Variants in RBM33 observed in about 807,000 individuals in gnomAD.
The protein encoded by RBM33 is RNA binding motif protein 33, also known as RNA-binding protein 33.
A neutral mutation model predicts 132.6 loss-of-function variants in RBM33; 28 were observed. The observed-to-expected ratio is 0.21, with a 90% CI of 0.16 to 0.29. The LOEUF is 0.29. Ranked by LOEUF, RBM33 falls within the 10% of genes least tolerant of loss-of-function variation. RBM33 has a pLI of 1.00. For missense variants in RBM33, 1,291 were observed against 1,518.5 expected (o/e 0.85, Z 2.49); for synonymous variants, 634 against 593.0 (o/e 1.07, Z -1.01).
intron 3 of RBM33, among the ~76,000 whole-genome samples, chr7:155,677,692 A>C (rs1166607637): frequency 1.3e-5 from 2 of 152,218 alleles, no homozygotes; most frequent in Non-Finnish European, 2.9e-5. Context: ...TGGCTATCAG[A>C]AATACTGTAA....
chr7:155,693,634 G>T (rs1011257721), intron 5 of RBM33, among the ~76,000 whole-genome samples: 8 of 151,540 alleles, frequency 5.3e-5, no homozygotes, highest in African/African-American at 1.9e-4. Flanking sequence ...ATGATGGCAG[G>T]TTCTTTGTGA....
intron 9 of RBM33, among the ~76,000 whole-genome samples, chr7:155,728,883 G>A (rs916595141): frequency 3.9e-5 from 6 of 152,168 alleles, no homozygotes; most frequent in Non-Finnish European, 5.9e-5. Context: ...CTAAGTGAAG[G>A]TTATTTAAAT....
Position 155,774,437 on chromosome 7 carries a change from G to A in RBM33, c.3376-122G>A. 1.5e-6 allele frequency: 1 copy of A among 670,554 alleles called. No homozygotes were observed. Among genetic ancestry groups the A allele is most frequent in the Non-Finnish European group, 2.5e-6 (1 of 392,872 alleles). 41.5% of individuals were successfully genotyped at this position (670,554 alleles called of 1,614,324 possible). A position where few individuals can be genotyped will look rare whatever the true frequency, so the allele number is the denominator to read the frequency against. ...GGGAGCTAGAAAGGAAAATCAATTA[G>A]TGTGTTCCAAATGTCCGCCTGGACT... On this transcript the variant is annotated intron_variant, in intron 16 of 17. Transcript: ENST00000401878. This position sits in a 1 kb window ranked among gnomAD's most constrained non-coding sequence, Gnocchi z 4.2.
At chr7:155,731,995 C>T (rs1231000422) in intron 9 of RBM33, among the ~76,000 whole-genome samples, 1 of 152,198 alleles carries the variant, frequency 6.6e-6, no homozygotes, top group Non-Finnish European at 1.5e-5. Context: ...AGAGAACTGG[C>T]ACTTCCCTGG....
chr7:155,736,623 T>C (rs866138841), intron 9 of RBM33, among the ~76,000 whole-genome samples: 12 of 152,382 alleles, frequency 7.9e-5, no homozygotes, highest in South Asian at 6.2e-4. Context: ...TCCAGAGGAC[T>C]CTGTGTACTA....
At chr7:155,673,940 G>GTTGTTGTTTGTTTTTTTTT in intron 3 of RBM33, among the ~76,000 whole-genome samples, 1,489 of 54,206 alleles carry the variant, frequency 0.027, 501 homozygotes, top group South Asian at 0.039. Flanking sequence ...TTTAGGCTTA[G>GTTGTTGTTTGTTTTTTTTT]TTTTTTTTTT....
chr7:155,710,438 ACGGCAGCTGTTG>A lies in RBM33; in HGVS notation c.949-763_949-752del, dbSNP rs544789442. Reference sequence around the variant, plus strand: ...TTAAAATGTGGGGAAGATTTAGTCCACGGCAGCTGTTGCAGTTGTTGATTTCTTCCTCTCTAG... The same window carrying A: ...TTAAAATGTGGGGAAGATTTAGTCCACAGTTGTTGATTTCTTCCTCTCTAG... On this transcript the variant is annotated intron_variant, in intron 7 of 17. Transcript: ENST00000401878. Among the ~76,000 whole-genome samples, 865 of 152,328 alleles carry A rather than the reference ACGGCAGCTGTTG, an allele frequency of 5.7e-3. 4 individuals carry two copies. Among genetic ancestry groups the A allele is most frequent in the African/African-American group, 0.02 (817 of 41,566 alleles).
chr7:155,652,491 A>G (rs1362217247), intron 1 of RBM33, among the ~76,000 whole-genome samples: 1 of 152,228 alleles, frequency 6.6e-6, no homozygotes. Flanking sequence ...TCACAAGCTA[A>G]TAGTCTATGT....
chr7:155,753,065 C>G (rs1801734329), intron 14 of RBM33, among the ~76,000 whole-genome samples: 1 of 152,162 alleles, frequency 6.6e-6, no homozygotes, highest in African/African-American at 2.4e-5. Flanking sequence ...ATGGCTTGCA[C>G]TCTCTTACTG....
intron 12 of RBM33, 121 bp downstream of exon 12, chr7:155,740,147 G>A (rs1801283217): frequency 3.8e-6 from 5 of 1,308,232 alleles, no homozygotes; most frequent in Non-Finnish European, 5.0e-6. Flanking sequence ...TATAAAATGT[G>A]TAGTACATAG....
intron 14 of RBM33, among the ~76,000 whole-genome samples, chr7:155,751,724 G>A (rs1163768622): frequency 2.0e-5 from 3 of 152,164 alleles, no homozygotes; most frequent in African/African-American, 7.2e-5. Context: ...ATGGGGCGGC[G>A]GGTGGGTAAA....
At chr7:155,737,743 G>T in intron 10 of RBM33, 81 bp downstream of exon 10, 1 of 1,391,142 alleles carries the variant, frequency 7.2e-7, no homozygotes, top group South Asian at 1.5e-5. Flanking sequence ...TTTGTAAACT[G>T]AATTGAACTC....
chr7:155,758,744 G>A (rs543880160), intron 14 of RBM33, among the ~76,000 whole-genome samples: 30 of 152,188 alleles, frequency 2.0e-4, no homozygotes, highest in Middle Eastern at 3.4e-3. Context: ...TTGGGTAGTC[G>A]GCATCACAAG....
rs555809491 is a variant in RBM33 at position 155,726,234 on chromosome 7, T to A, written c.1260+7791T>A. ...ACATTGTTAAGGTATTTAATTAGTC[T>A]TATTAAAATATACGGACTGACCCTT... On this transcript the variant is annotated intron_variant, in intron 9 of 17. Transcript: ENST00000401878. Among the ~76,000 whole-genome samples, 21 of 152,354 alleles carry A rather than the reference T, an allele frequency of 1.4e-4. No homozygotes were observed. In the South Asian group the frequency reaches 4.3e-3, roughly 32 times the overall value.
rs765301616 is a variant in RBM33 at position 155,775,167 on chromosome 7, C to A, written c.*126C>A. ...CGGGCCGCTGTCCTGCGTAACTGTT[C>A]TCCAGAGCGCCAGCCAGCCACGGGC... On this transcript the variant is annotated 3_prime_UTR_variant, in exon 18 of 18. Transcript: ENST00000401878. 1 of 849,094 alleles carries A rather than the reference C, an allele frequency of 1.2e-6. No individual in the cohort carries two copies. Among genetic ancestry groups the A allele is most frequent in the South Asian group, 1.4e-5 (1 of 71,704 alleles). The allele number at this position is 849,094 out of a possible 1,614,324, so 52.6% of individuals were successfully genotyped here.
intron 2 of RBM33, among the ~76,000 whole-genome samples, chr7:155,666,400 G>GCTAAT: frequency 6.6e-6 from 1 of 152,332 alleles, no homozygotes; most frequent in Non-Finnish European, 1.5e-5. Flanking sequence ...TACTCAGTCT[G>GCTAAT]TGGACTCATT....
At chr7:155,714,189 C>T (rs1425957998) in intron 8 of RBM33, among the ~76,000 whole-genome samples, 1 of 152,136 alleles carries the variant, frequency 6.6e-6, no homozygotes, top group African/African-American at 2.4e-5. Flanking sequence ...CATCTGCGCA[C>T]ACTAGGTGTG....
intron 16 of RBM33, among the ~76,000 whole-genome samples, chr7:155,770,448 C>T (rs1210856207): frequency 2.0e-5 from 3 of 152,204 alleles, no homozygotes; most frequent in Non-Finnish European, 2.9e-5. Flanking sequence ...CAGGGGCTCT[C>T]GGCCCTTCCT....
Position 155,775,236 on chromosome 7 carries a change from G to A in RBM33, c.*195G>A, listed in dbSNP as rs1242246882. On this transcript the variant is annotated 3_prime_UTR_variant, in exon 18 of 18. Coordinates refer to ENST00000401878, the MANE Select transcript of RBM33 (RefSeq NM_053043.3). Reference sequence around the variant, plus strand: ...AACTGACAGGACACAGCAGGCTGGAGTTGGTGTTAGATTGCTTCACATTCT... The same window carrying A: ...AACTGACAGGACACAGCAGGCTGGAATTGGTGTTAGATTGCTTCACATTCT... 1.4e-6 allele frequency: 1 copy of A among 692,922 alleles called. No individual in the cohort carries two copies. The highest frequency in any genetic ancestry group is 2.7e-6 in the Non-Finnish European group (1 of 375,568). The allele number at this position is 692,922 out of a possible 1,614,324, so 42.9% of individuals were successfully genotyped here.
Sources: gnomAD v4.1 joint callset for allele counts (sites outside exome capture counted in the v4.1 genomes callset) on GRCh38, gnomAD v4.1.1 for gene constraint, Gnocchi (gnomAD v3.1) non-coding constraint, MANE v1.5 for transcripts, NCBI Gene and HGNC (gene_info 2026-07-23, HGNC 2026-07-21) for gene names.